The following CPQ variants were observed in gnomAD, a reference collection of about 807,000 sequenced individuals.
CPQ encodes carboxypeptidase Q, also known as Ser-Met dipeptidase.
Under a neutral mutation model 45.7 loss-of-function variants are expected in CPQ, and 37 were observed. The ratio of observed to expected loss-of-function variants is 0.81; its 90% CI spans 0.62 to 1.07. CPQ has a LOEUF of 1.07. Ranked by LOEUF, CPQ falls within the 50% of genes least tolerant of loss-of-function variation. CPQ has a pLI of 0.00. For synonymous variants in CPQ, 186 were observed against 205.8 expected, an observed-to-expected ratio of 0.90 and a Z score of 0.82; for missense variants, 537 against 572.9, an observed-to-expected ratio of 0.94 and a Z score of 0.64.
In CPQ at chr8:96,816,616, A is replaced by G. The variant is rs1267252271; in HGVS notation, c.434-18357A>G. 3.3e-5 allele frequency among the ~76,000 whole-genome samples: 5 copies of G among 152,182 alleles called. No individual in the cohort carries two copies. In the East Asian group the frequency reaches 7.7e-4, roughly 23 times the overall value. ...AGATACATCAGAGGAATCACAATCTATGGCAGCCATAGCCTTATGAAATGT... is the reference window on the plus strand; with the variant it reads ...AGATACATCAGAGGAATCACAATCTGTGGCAGCCATAGCCTTATGAAATGT... On this transcript the variant is annotated intron_variant, in intron 2 of 7. Transcript: ENST00000220763.
intron 1 of CPQ, among the ~76,000 whole-genome samples, chr8:96,686,950 A>G (rs1040261404): frequency 1.3e-5 from 2 of 152,086 alleles, no homozygotes; most frequent in African/African-American, 4.8e-5. Context: ...CTCACACTGA[A>G]TTGATCAAAC....
At chr8:96,836,283 A>T (rs1408715938) in intron 3 of CPQ, among the ~76,000 whole-genome samples, 1 of 152,210 alleles carries the variant, frequency 6.6e-6, no homozygotes, top group Non-Finnish European at 1.5e-5. Flanking sequence ...ACTGGGGAAC[A>T]TATGTCAGCA....
chr8:97,127,688 C>CA (rs904441402), intron 7 of CPQ, among the ~76,000 whole-genome samples: 9 of 150,980 alleles, frequency 6.0e-5, no homozygotes, highest in Admixed American at 6.6e-5. Context: ...GACTCCATCC[C>CA]AAAAAAAATG....
At chr8:97,090,858 T>G (rs1005333751) in intron 7 of CPQ, among the ~76,000 whole-genome samples, 2 of 152,176 alleles carry the variant, frequency 1.3e-5, no homozygotes, top group Non-Finnish European at 2.9e-5. Context: ...CCTCTCATTG[T>G]TTTACCCACC....
chr8:96,926,540 T>C lies in CPQ; in HGVS notation c.850-39395T>C, dbSNP rs867657655. On this transcript the variant is annotated intron_variant, in intron 4 of 7. Coordinates refer to ENST00000220763, the MANE Select transcript of CPQ (RefSeq NM_016134.4). ...CAGTCCTCCTTTCTTCTTTTTCTTC[T>C]TCTTCCTCTTCCTCTTCCTCTTCCT... is the stretch of plus-strand genomic sequence containing the variant. Among the ~76,000 whole-genome samples the C allele has an allele frequency of 2.9e-3, 372 of 127,562 alleles. 5 individuals are homozygous for C. The highest frequency in any genetic ancestry group is 1.8e-3 in the Non-Finnish European group (111 of 60,846). 83.7% of individuals were successfully genotyped at this position (127,562 alleles called of 152,430 possible). A position where few individuals can be genotyped will look rare whatever the true frequency, so the allele number is the denominator to read the frequency against.
At chr8:96,837,286 A>G (rs114824309) in intron 3 of CPQ, among the ~76,000 whole-genome samples, 3,374 of 152,214 alleles carry the variant, frequency 0.022, 135 homozygotes, top group African/African-American at 0.077. Context: ...CTAATTCCTC[A>G]CCTTTCATTT....
Position 97,038,825 on chromosome 8 carries a change from C to CA in CPQ, c.1053+9355dup, listed in dbSNP as rs35739621. ...CTGTATTCCAAAAAAACCGTATTTA[C>CA]AAAAAAAAAAAAAAAAAAAAAAAAG... On this transcript the variant is annotated intron_variant, in intron 6 of 7. Transcript: ENST00000220763. Among the ~76,000 whole-genome samples the CA allele has an allele frequency of 7.6e-3, 700 of 91,812 alleles. 10 individuals are homozygous for CA. The highest frequency in any genetic ancestry group is 0.016 in the African/African-American group (387 of 23,702). The allele number at this position is 91,812 out of a possible 152,430, so 60.2% of individuals were successfully genotyped here.
chr8:97,011,426 AT>A (rs1175023000), intron 5 of CPQ, among the ~76,000 whole-genome samples: 10 of 152,240 alleles, frequency 6.6e-5, no homozygotes, highest in African/African-American at 2.4e-4. Flanking sequence ...ATACAGTAGC[AT>A]TGTTAGATTA....
intron 3 of CPQ, among the ~76,000 whole-genome samples, chr8:96,858,040 T>C (rs1437795565): frequency 6.6e-6 from 1 of 152,172 alleles, no homozygotes; most frequent in South Asian, 2.1e-4. Context: ...GTATGGCCAC[T>C]CTCCTAAGAG....
At chr8:97,077,637 G>T (rs1810871686) in intron 7 of CPQ, among the ~76,000 whole-genome samples, 1 of 152,070 alleles carries the variant, frequency 6.6e-6, no homozygotes, top group Non-Finnish European at 1.5e-5. Context: ...AAATAAACTA[G>T]CATCCACATA....
At chr8:96,856,122 A>G (rs1563514099) in intron 3 of CPQ, among the ~76,000 whole-genome samples, 2 of 152,222 alleles carry the variant, frequency 1.3e-5, no homozygotes, top group Admixed American at 6.5e-5. Flanking sequence ...CAGAGCTTGC[A>G]TTTTATCCTG....
At chr8:97,045,585 A>G (rs1810238116) in intron 6 of CPQ, among the ~76,000 whole-genome samples, 1 of 152,210 alleles carries the variant, frequency 6.6e-6, no homozygotes, top group Admixed American at 6.5e-5. Context: ...TGCGTCGCTC[A>G]TGCTGGGAGC....
In CPQ at chr8:96,688,206, T is replaced by C. The variant is rs139798012; in HGVS notation, c.-35+42804T>C. The stretch of plus-strand genomic sequence containing the variant: ...ATTACAAGGTGTTTATCTTTTTTCA[T>C]TGAACATATACTATGCTGCATTAAA... On this transcript the variant is annotated intron_variant, in intron 1 of 7. Transcript: ENST00000220763. 2.5e-3 allele frequency among the ~76,000 whole-genome samples: 382 copies of C among 152,286 alleles called. 1 individual carries two copies. The highest frequency in any genetic ancestry group is 8.9e-3 in the African/African-American group (372 of 41,570).
intron 2 of CPQ, among the ~76,000 whole-genome samples, chr8:96,830,866 C>A (rs4735439): frequency 0.57 from 86,211 of 151,916 alleles, 25,814 homozygotes; most frequent in East Asian, 0.88. Flanking sequence ...AAATGCCAAG[C>A]TTTTCTTTTG....
chr8:96,875,878 T>C (rs886088319), intron 3 of CPQ, among the ~76,000 whole-genome samples: 1 of 152,030 alleles, frequency 6.6e-6, no homozygotes, highest in Non-Finnish European at 1.5e-5. Context: ...AATCCATAAA[T>C]CAACTTGAGG....
chr8:96,955,518 A>G (rs1410786515), intron 4 of CPQ, among the ~76,000 whole-genome samples: 1 of 152,162 alleles, frequency 6.6e-6, no homozygotes, highest in Non-Finnish European at 1.5e-5. Context: ...AATTGGAAAA[A>G]ACTACTTTAA....
intron 7 of CPQ, among the ~76,000 whole-genome samples, chr8:97,070,674 G>C (rs1810724951): frequency 6.6e-6 from 1 of 152,182 alleles, no homozygotes; most frequent in African/African-American, 2.4e-5. Flanking sequence ...GAGAGAAGAT[G>C]TATCTTTCAA....
At chr8:96,888,422 A>G (rs1812330795) in intron 4 of CPQ, among the ~76,000 whole-genome samples, 1 of 152,170 alleles carries the variant, frequency 6.6e-6, no homozygotes, top group Admixed American at 6.5e-5. Flanking sequence ...AAAAATACTG[A>G]AAGATGAAAA....
intron 1 of CPQ, among the ~76,000 whole-genome samples, chr8:96,729,516 C>T (rs1447029572): frequency 6.6e-6 from 1 of 152,110 alleles, no homozygotes; most frequent in African/African-American, 2.4e-5. Flanking sequence ...AATTATTTTT[C>T]CCAATGAAAA....
Sources: allele counts gnomAD v4.1 joint callset (sites outside exome capture counted in the v4.1 genomes callset), GRCh38; gene constraint gnomAD v4.1.1; transcripts MANE v1.5; gene names NCBI Gene and HGNC (gene_info 2026-07-23, HGNC 2026-07-21).